SLC5A6: variants seen among roughly 807,000 people sequenced by gnomAD.
The protein encoded by SLC5A6 is solute carrier family 5 member 6, also known as sodium-dependent multivitamin transporter.
SLC5A6 carries 31 observed loss-of-function variants against 67.9 expected under a neutral mutation model. That is an observed-to-expected ratio of 0.46 (90% confidence interval 0.34 to 0.62). The LOEUF (loss-of-function observed/expected upper bound fraction) is 0.62, where lower values mean the gene tolerates loss of function less well. Among genes scored for constraint, SLC5A6 ranks in the 20% least tolerant of loss-of-function variants. SLC5A6 has a pLI of 0.01. For synonymous variants in SLC5A6, 343 were observed against 331.0 expected (o/e 1.04, Z -0.39); for missense variants, 673 against 812.8 (o/e 0.83, Z 2.09).
rs1673671599 is a variant in SLC5A6 at position 27,201,914 on chromosome 2, C to T, written c.1363-67G>A. The T allele has an allele frequency of 1.9e-6, 3 of 1,607,170 alleles. No individual in the cohort carries two copies. In the South Asian group the frequency reaches 3.3e-5, roughly 18 times the overall value. On this transcript the variant is annotated intron_variant, in intron 13 of 16. Coordinates refer to ENST00000310574, the MANE Select transcript of SLC5A6 (RefSeq NM_021095.4). The stretch of plus-strand genomic sequence containing the variant: ...CCAGCCCTCACGGCAGTCCTCAGCT[C>T]TCCTGGTGACAGCCCTGCCAACCCC...
At chr2:27,212,735 T>G, upstream of SLC5A6, 2 of 1,048,150 alleles carry the variant, frequency 1.9e-6, no homozygotes, top group Non-Finnish European at 2.6e-6. Flanking sequence ...TACAGACGGG[T>G]CCTCTGCCTC....
intron 9 of SLC5A6, 121 bp downstream of exon 9, chr2:27,204,340 G>C: frequency 8.6e-7 from 1 of 1,158,154 alleles, no homozygotes; most frequent in Non-Finnish European, 1.2e-6. Context: ...AGTGGGAAAG[G>C]ATTTTACAAC....
chr2:27,207,818 C>A lies in SLC5A6; in HGVS notation c.-140-28G>T. On this transcript the variant is annotated intron_variant, in intron 2 of 16. Coordinates refer to ENST00000310574, the MANE Select transcript of SLC5A6 (RefSeq NM_021095.4). The surrounding 1 kb of genome is among the most constrained non-coding windows in gnomAD (Gnocchi z 5.5). The stretch of plus-strand genomic sequence containing the variant: ...GCAAAGGAATTAGCTCTTAGTGAGG[C>A]CTATCTGGCCTTGGTAGCCATTCAC... 1.5e-6 allele frequency: 1 copy of A among 647,220 alleles called. No homozygotes were observed. The highest frequency in any genetic ancestry group is 2.0e-5 in the South Asian group (1 of 50,892). The allele number at this position is 647,220 out of a possible 1,614,324, so 40.1% of individuals were successfully genotyped here.
intron 2 of SLC5A6, among the ~76,000 whole-genome samples, chr2:27,210,555 T>C (rs1438095545): frequency 1.3e-5 from 2 of 151,072 alleles, no homozygotes; most frequent in Non-Finnish European, 2.9e-5. Context: ...CTCAGCCTCC[T>C]GAGTAGCTGG....
chr2:27,205,586 ATTTTG>A (rs894080784), intron 6 of SLC5A6, 82 bp from the exon 7 acceptor site: 20 of 1,533,592 alleles, frequency 1.3e-5, no homozygotes, highest in South Asian at 2.3e-5. Flanking sequence ...TTGTTGCTCC[ATTTTG>A]TTTTGTTTTG....
chr2:27,212,358 G>A (rs1052688429), upstream of SLC5A6: 10 of 1,550,340 alleles, frequency 6.5e-6, no homozygotes, highest in Non-Finnish European at 8.7e-6. Context: ...GGAGCACCAA[G>A]GGAACGGAAA....
At chr2:27,202,788 G>A in intron 12 of SLC5A6, 25 bp downstream of exon 12, 1 of 1,597,186 alleles carries the variant, frequency 6.3e-7, no homozygotes, top group Non-Finnish European at 8.6e-7. Flanking sequence ...CCTTAAAATT[G>A]CTTCCTACCC....
In SLC5A6 at chr2:27,204,814, G is replaced by A; in HGVS notation, c.852C>T (p.Ser284=). 6.2e-7 allele frequency: 1 copy of A among 1,614,132 alleles called. No individual in the cohort carries two copies. Among genetic ancestry groups the A allele is most frequent in the East Asian group, 2.2e-5 (1 of 44,870 alleles). ...NQAQVQRYLS[S]RTEKAAVLSC... is the part of the protein sequence containing the mutation. ...ACAGCACAGCAGCCTTCTCCGTGCG[G>A]GAACTGAGGTACCGCTGCACCTGAG... The change falls in exon 8 of 17, where the codon TCC becomes TCT. Residue 284 remains serine, a synonymous_variant. Coordinates refer to ENST00000310574, the MANE Select transcript of SLC5A6 (RefSeq NM_021095.4).
rs971182131 is a variant in SLC5A6, at chr2:27,204,853, G to A, written c.813C>T (p.Tyr271=). Residue 271 remains tyrosine, a synonymous_variant, in exon 8 of 17, where the codon TAC becomes TAT. Coordinates refer to ENST00000310574, the MANE Select transcript of SLC5A6 (RefSeq NM_021095.4). The stretch of plus-strand genomic sequence containing the variant: ...GCTGCACCTGAGCCTGGTTCACCCC[G>A]TATAAGGAGAGCATCATGAAGACAC... ...FGGVFMMLSL[Y]GVNQAQVQRY... is the part of the protein sequence containing the mutation. 18 of 1,614,016 alleles carry A rather than the reference G, an allele frequency of 1.1e-5. No homozygotes were observed. Among genetic ancestry groups the A allele is most frequent in the Admixed American group, 1.7e-5 (1 of 60,004 alleles).
In SLC5A6 at chr2:27,202,034, A is replaced by T; in HGVS notation, c.1316T>A (p.Leu439Gln). The change falls in exon 13 of 17, where the codon CTG (leucine) becomes CAG (glutamine). Residue 439 changes from leucine (L) to glutamine (Q), a missense_variant. Leu to Gln is a moderately radical substitution (Grantham distance 113, BLOSUM62 -2). Coordinates refer to ENST00000310574, the MANE Select transcript of SLC5A6 (RefSeq NM_021095.4). ...SIFGMVGGPL[L>Q]GLFCLGMFFP... ...GAACATTCCAAGGCAGAAGAGTCCCAGCAGCGGTCCCCCAACCATGCCAAA... is the reference window on the plus strand; with the variant it reads ...GAACATTCCAAGGCAGAAGAGTCCCTGCAGCGGTCCCCCAACCATGCCAAA... 6.2e-7 allele frequency: 1 copy of T among 1,614,216 alleles called. No homozygotes were observed. The highest frequency in any genetic ancestry group is 8.5e-7 in the Non-Finnish European group (1 of 1,180,018).
At chr2:27,212,530 G>C (rs911844796), upstream of SLC5A6, 1 of 1,505,628 alleles carries the variant, frequency 6.6e-7, no homozygotes, top group African/African-American at 1.4e-5. Context: ...CGTCGCGCTC[G>C]CCAGCGGCTC....
chr2:27,212,707 A>G (rs192827384), upstream of SLC5A6: 238 of 1,276,090 alleles, frequency 1.9e-4, no homozygotes, highest in East Asian at 3.4e-3. Flanking sequence ...TAATTTTAGA[A>G]TAACTTTAAG....
intron 11 of SLC5A6, 166 bp from the exon 12 acceptor site, chr2:27,203,046 T>C: frequency 1.3e-6 from 2 of 1,493,806 alleles, no homozygotes; most frequent in Non-Finnish European, 1.8e-6. Flanking sequence ...CACTCCTATG[T>C]GACTCAGAGA....
Position 27,212,267 on chromosome 2 carries a change from C to G in SLC5A6, c.-455G>C, listed in dbSNP as rs1318796588. On this transcript the variant is annotated 5_prime_UTR_variant, in exon 1 of 17. Coordinates refer to ENST00000310574, the MANE Select transcript of SLC5A6 (RefSeq NM_021095.4). Reference sequence around the variant, plus strand: ...CCCAAGCAGCCCCAGGGCGACTGGACCGGGCCGCTTAGGCCACGCCCGGGG... The same window carrying G: ...CCCAAGCAGCCCCAGGGCGACTGGAGCGGGCCGCTTAGGCCACGCCCGGGG... 1.3e-6 allele frequency: 2 copies of G among 1,557,048 alleles called. No individual in the cohort carries two copies. Among genetic ancestry groups the G allele is most frequent in the South Asian group, 1.2e-5 (1 of 84,542 alleles).
chr2:27,204,428 T>G lies in SLC5A6; in HGVS notation c.1005+33A>C, dbSNP rs1299432810. On this transcript the variant is annotated intron_variant, in intron 9 of 16. Transcript: ENST00000310574. ...GACACTCCTGTTGTGGGGCCAGGCCTGCCCTCATGGGAACAGAACAGCGCC... is the reference window on the plus strand; with the variant it reads ...GACACTCCTGTTGTGGGGCCAGGCCGGCCCTCATGGGAACAGAACAGCGCC... The G allele has an allele frequency of 1.9e-6, 3 of 1,591,438 alleles. No homozygotes were observed. In the Admixed American group the frequency reaches 5.1e-5, roughly 27 times the overall value.
At chr2:27,211,150 C>G (rs1418096245) in intron 2 of SLC5A6, among the ~76,000 whole-genome samples, 1 of 152,248 alleles carries the variant, frequency 6.6e-6, no homozygotes, top group Non-Finnish European at 1.5e-5. Context: ...AAGATTCCCT[C>G]AAAATCTGTC....
At position 27,199,648 on chromosome 2, in the gene SLC5A6, A is replaced by C. The variant is rs2147980137; in HGVS notation, c.*788T>G. ...AAAGATAATGTGGAGAAGAAACTCCAAAAGGAAACAGAGCACGGATGACAG... is the reference window on the plus strand; with the variant it reads ...AAAGATAATGTGGAGAAGAAACTCCCAAAGGAAACAGAGCACGGATGACAG... On this transcript the variant is annotated 3_prime_UTR_variant, in exon 17 of 17. Transcript: ENST00000310574. 6.6e-6 allele frequency: 1 copy of C among 152,578 alleles called. No homozygotes were observed. The highest frequency in any genetic ancestry group is 2.1e-4 in the South Asian group (1 of 4,826). The allele number at this position is 152,578 out of a possible 1,614,324, so 9.5% of individuals were successfully genotyped here.
chr2:27,204,717 G>A lies in SLC5A6; in HGVS notation c.875+74C>T, dbSNP rs1156904544. On this transcript the variant is annotated intron_variant, in intron 8 of 16. Coordinates refer to ENST00000310574, the MANE Select transcript of SLC5A6 (RefSeq NM_021095.4). Reference sequence around the variant, plus strand: ...GGATGTGTATGCACTCTGGCATCCTGCCCCACCCCAATTATCTCTGGGGAA... The same window carrying A: ...GGATGTGTATGCACTCTGGCATCCTACCCCACCCCAATTATCTCTGGGGAA... The A allele has an allele frequency of 1.9e-6, 3 of 1,604,738 alleles. No homozygotes were observed. In the African/African-American group the frequency reaches 4.0e-5, roughly 21 times the overall value.
rs1403673930 is a variant in SLC5A6 at position 27,207,168 on chromosome 2, G to A, written c.393+90C>T. The A allele has an allele frequency of 1.4e-6, 2 of 1,391,248 alleles. No individual in the cohort carries two copies. Among genetic ancestry groups the A allele is most frequent in the East Asian group, 4.6e-5 (2 of 43,732 alleles). The allele number at this position is 1,391,248 out of a possible 1,614,324, so 86.2% of individuals were successfully genotyped here. The stretch of plus-strand genomic sequence containing the variant: ...CTGTCCCTCTCATTAGGTGGAGGAG[G>A]TCTAGGGTCCCAGGTCCTTCCTATG... On this transcript the variant is annotated intron_variant, in intron 3 of 16. Transcript: ENST00000310574. This position sits in a 1 kb window ranked among gnomAD's most constrained non-coding sequence, Gnocchi z 5.5.
Sources: allele counts gnomAD v4.1 joint callset (sites outside exome capture counted in the v4.1 genomes callset), GRCh38; gene constraint gnomAD v4.1.1; non-coding constraint Gnocchi (gnomAD v3.1); transcripts MANE v1.5; gene names NCBI Gene and HGNC (gene_info 2026-07-23, HGNC 2026-07-21).